PHF14: variants seen among roughly 807,000 people sequenced by gnomAD.
PHF14 encodes PHD finger protein 14.
PHF14 carries 55 observed loss-of-function variants against 117.9 expected under a neutral mutation model. That is an observed-to-expected ratio of 0.47 (90% CI 0.38 to 0.58). PHF14 has a LOEUF of 0.58. Among genes scored for constraint, PHF14 ranks in the 20% least tolerant of loss-of-function variants. The pLI is 0.00. For synonymous variants in PHF14, 409 were observed against 368.6 expected (o/e 1.11, Z -1.26); for missense variants, 978 against 1,122.2 (o/e 0.87, Z 1.84).
chr7:10,998,620 G>A (rs1782748426), intron 4 of PHF14, among the ~76,000 whole-genome samples: 1 of 152,198 alleles, frequency 6.6e-6, no homozygotes, highest in East Asian at 1.9e-4. Flanking sequence ...TTCTCCAGGT[G>A]TGGTTCAGAT....
At chr7:11,121,402 G>A (rs768150578) in intron 17 of PHF14, among the ~76,000 whole-genome samples, 16 of 152,204 alleles carry the variant, frequency 1.1e-4, no homozygotes, top group Middle Eastern at 3.4e-3. Flanking sequence ...CTAATTCTCC[G>A]ATGCTACTAA....
At chr7:10,989,756 G>A (rs1381455881) in intron 3 of PHF14, among the ~76,000 whole-genome samples, 1 of 152,088 alleles carries the variant, frequency 6.6e-6, no homozygotes, top group South Asian at 2.1e-4. Context: ...TTAGCCACCT[G>A]AGTACCTGGG....
intron 16 of PHF14, chr7:11,105,804 T>G: frequency 1.0e-6 from 1 of 984,560 alleles, no homozygotes; most frequent in Non-Finnish European, 1.2e-6. Context: ...GTAATGTAAT[T>G]GGATGCACAT....
At chr7:11,063,754 C>T (rs796424264) in intron 16 of PHF14, 1 of 802,692 alleles carries the variant, frequency 1.2e-6, no homozygotes, top group African/African-American at 1.9e-5. Flanking sequence ...ATTTCCAACC[C>T]ATCATATTTT....
intron 17 of PHF14, among the ~76,000 whole-genome samples, chr7:11,165,409 G>T (rs890855781): frequency 1.3e-5 from 2 of 152,052 alleles, no homozygotes; most frequent in African/African-American, 4.8e-5. Context: ...TGACCATTTG[G>T]TTAAGGTGTT....
At chr7:11,040,583 A>G in intron 11 of PHF14, 89 bp from the exon 12 acceptor site, 1 of 528,550 alleles carries the variant, frequency 1.9e-6, no homozygotes, top group Admixed American at 3.9e-5. Context: ...ATCCTACTAT[A>G]TTTACTTGGC....
At chr7:11,076,203 C>T (rs541868302) in intron 16 of PHF14, among the ~76,000 whole-genome samples, 6 of 152,270 alleles carry the variant, frequency 3.9e-5, no homozygotes, top group African/African-American at 1.4e-4. Flanking sequence ...TGGTTTTAAC[C>T]TCTATAGTCT....
At position 11,096,551 on chromosome 7, in the gene PHF14, C is replaced by G. The variant is rs547928227; in HGVS notation, c.2655-14799C>G. 2.6e-5 allele frequency among the ~76,000 whole-genome samples: 4 copies of G among 152,202 alleles called. No individual in the cohort carries two copies. The South Asian group carries it at 8.3e-4, about 32-fold the overall frequency. ...TTTTCCAGTTCATTTACGGGTATTT[C>G]ATATCGTATGTTGCTTTAACCTGGG... is the stretch of plus-strand genomic sequence containing the variant. On this transcript the variant is annotated intron_variant, in intron 16 of 17. Coordinates refer to ENST00000634607, the MANE Select transcript of PHF14 (RefSeq NM_001007157.2).
intron 17 of PHF14, among the ~76,000 whole-genome samples, chr7:11,162,070 G>GTTT (rs1789054999): frequency 1.2e-5 from 1 of 84,590 alleles, no homozygotes; most frequent in African/African-American, 3.7e-5. Context: ...TTAAAAATAT[G>GTTT]TCTTTTTTTT....
intron 4 of PHF14, among the ~76,000 whole-genome samples, chr7:11,003,314 C>G (rs1404327212): frequency 2.0e-5 from 3 of 152,188 alleles, no homozygotes; most frequent in Non-Finnish European, 4.4e-5. Flanking sequence ...ATTTGAATGA[C>G]TTGTCTTTTT....
intron 17 of PHF14, among the ~76,000 whole-genome samples, chr7:11,159,148 A>G (rs1462235587): frequency 6.6e-6 from 1 of 152,056 alleles, no homozygotes; most frequent in Non-Finnish European, 1.5e-5. Context: ...TGTAGGTAAT[A>G]TTATTTTCCT....
At chr7:11,059,151 A>G (rs1785119969) in intron 14 of PHF14, among the ~76,000 whole-genome samples, 1 of 152,194 alleles carries the variant, frequency 6.6e-6, no homozygotes, top group African/African-American at 2.4e-5. Flanking sequence ...GCATTATACC[A>G]TATGATGCTA....
At chr7:11,038,630 C>T in intron 10 of PHF14, 130 bp from the exon 11 acceptor site, 1 of 259,342 alleles carries the variant, frequency 3.9e-6, no homozygotes. Flanking sequence ...CGCACTCCAG[C>T]CTGGTGACAG....
chr7:11,151,048 A>G (rs1454140389), intron 17 of PHF14, among the ~76,000 whole-genome samples: 2 of 152,218 alleles, frequency 1.3e-5, no homozygotes, highest in African/African-American at 4.8e-5. Flanking sequence ...TTTAAAAATA[A>G]GAAAAGCAAA....
chr7:11,144,708 AGAGAG>A (rs1788498281), intron 17 of PHF14, among the ~76,000 whole-genome samples: 2 of 151,690 alleles, frequency 1.3e-5, no homozygotes, highest in South Asian at 4.2e-4. Flanking sequence ...AAAAGTTAGA[AGAGAG>A]GATTTTGAAT....
At chr7:11,096,341 C>G (rs183787089) in intron 16 of PHF14, among the ~76,000 whole-genome samples, 347 of 152,236 alleles carry the variant, frequency 2.3e-3, no homozygotes, top group Non-Finnish European at 3.7e-3. Flanking sequence ...AATGCTCATA[C>G]AGACCTGACA....
chr7:11,104,017 A>G (rs377175156), intron 16 of PHF14: 2 of 984,910 alleles, frequency 2.0e-6, no homozygotes, highest in East Asian at 1.1e-4. Context: ...TTTTAAGCAA[A>G]ATGACAGATT....
intron 4 of PHF14, among the ~76,000 whole-genome samples, chr7:11,000,747 T>G (rs947411166): frequency 2.0e-5 from 3 of 152,186 alleles, no homozygotes; most frequent in African/African-American, 7.2e-5. Context: ...GTTCCTTGTA[T>G]ATTTTGGATA....
chr7:11,040,203 A>G (rs1432911471), intron 11 of PHF14, among the ~76,000 whole-genome samples: 3 of 152,090 alleles, frequency 2.0e-5, no homozygotes, highest in African/African-American at 7.2e-5. Flanking sequence ...CTGTCTGAGA[A>G]GCCAGCATAC....
Sources: gnomAD v4.1 joint callset for allele counts (sites outside exome capture counted in the v4.1 genomes callset) on GRCh38, gnomAD v4.1.1 for gene constraint, MANE v1.5 for transcripts, NCBI Gene and HGNC (gene_info 2026-07-23, HGNC 2026-07-21) for gene names.